Variants in C3orf49 observed in about 807,000 individuals in gnomAD.
C3orf49 encodes putative uncharacterized protein C3orf49.
C3orf49 carries 27 observed loss-of-function variants against 13.3 expected under a neutral mutation model. That is an observed-to-expected ratio of 2.02 (90% CI 1.49 to 2.79). The LOEUF is 2.79. Ranked by LOEUF, C3orf49 falls within the 30% of genes most tolerant of loss-of-function variation. The pLI is 0.00. For missense variants in C3orf49, 242 were observed against 134.2 expected (o/e 1.80, Z -3.97); for synonymous variants, 87 against 47.6 (o/e 1.83, Z -3.40).
At chr3:63,846,483 C>T (rs1701899535) in intron 6 of C3orf49, among the ~76,000 whole-genome samples, 2 of 152,154 alleles carry the variant, frequency 1.3e-5, no homozygotes, top group South Asian at 4.1e-4. Flanking sequence ...TCTTGGCTCA[C>T]CACAACCTTC....
chr3:63,819,115 TTTGA>T (rs912963274), upstream of C3orf49, among the ~76,000 whole-genome samples: 2 of 151,510 alleles, frequency 1.3e-5, no homozygotes, highest in East Asian at 4.3e-4. Flanking sequence ...GTTGTTGTTG[TTTGA>T]TTTTTTTTTT....
chr3:63,782,518 A>G, the C3orf49 span: 1 of 152,230 alleles, frequency 6.6e-6, no homozygotes, highest in African/African-American at 2.4e-5. Flanking sequence ...CAGAGTCAAC[A>G]CTTTAATAAC....
chr3:63,843,112 ATTTGTTTGTTTG>A (rs767250587), intron 5 of C3orf49, among the ~76,000 whole-genome samples: 1 of 149,314 alleles, frequency 6.7e-6, no homozygotes, highest in South Asian at 2.1e-4. Context: ...CCGTATGTAT[ATTTGTTTGTTTG>A]TTTGTTTGTT....
intron 5 of C3orf49, among the ~76,000 whole-genome samples, chr3:63,842,731 A>C (rs752269215): frequency 7.2e-5 from 11 of 152,134 alleles, no homozygotes; most frequent in Non-Finnish European, 1.2e-4. Context: ...AGGGAAAAAA[A>C]AACTACATTG....
chr3:63,801,213 G>A, the C3orf49 span, among the ~76,000 whole-genome samples: 19 of 152,044 alleles, frequency 1.2e-4, no homozygotes, highest in Non-Finnish European at 2.1e-4. Context: ...GCTTAGACAA[G>A]ACAAGTAATT....
chr3:63,829,244 A>G (rs1184668569), intron 3 of C3orf49, among the ~76,000 whole-genome samples: 1 of 152,310 alleles, frequency 6.6e-6, no homozygotes, highest in East Asian at 1.9e-4. Context: ...TCTAATGGAC[A>G]TGGTCTTGCT....
upstream of C3orf49, among the ~76,000 whole-genome samples, chr3:63,815,984 C>T (rs1222435075): frequency 1.3e-5 from 2 of 151,638 alleles, no homozygotes; most frequent in Non-Finnish European, 2.9e-5. Flanking sequence ...CGGGGTTTCA[C>T]CGTGTTGGCC....
intron 6 of C3orf49, among the ~76,000 whole-genome samples, chr3:63,846,494 G>A (rs754617277): frequency 9.2e-5 from 14 of 151,994 alleles, no homozygotes; most frequent in Non-Finnish European, 2.1e-4. Context: ...CACAACCTTC[G>A]TCTCCTGGGT....
intron 5 of C3orf49, among the ~76,000 whole-genome samples, chr3:63,840,007 G>C (rs1036788219): frequency 6.6e-6 from 1 of 152,070 alleles, no homozygotes; most frequent in African/African-American, 2.4e-5. Flanking sequence ...AAAAAAGAAA[G>C]TTATTGCATG....
intron 3 of C3orf49, among the ~76,000 whole-genome samples, chr3:63,827,982 T>C (rs981168292): frequency 1.1e-4 from 17 of 152,218 alleles, no homozygotes; most frequent in Non-Finnish European, 2.1e-4. Flanking sequence ...TTTCTCACTC[T>C]TCAAATGTTA....
At chr3:63,808,220 C>T in the C3orf49 span, among the ~76,000 whole-genome samples, 3 of 152,186 alleles carry the variant, frequency 2.0e-5, no homozygotes, top group Non-Finnish European at 4.4e-5. Context: ...ATAAGTGATA[C>T]AGATTATTGG....
chr3:63,797,837 T>C, the C3orf49 span, among the ~76,000 whole-genome samples: 1 of 152,212 alleles, frequency 6.6e-6, no homozygotes, highest in African/African-American at 2.4e-5. Flanking sequence ...GTAGCAATGG[T>C]GGTGAAGTAT....
At chr3:63,799,086 T>C in the C3orf49 span, among the ~76,000 whole-genome samples, 2 of 152,172 alleles carry the variant, frequency 1.3e-5, no homozygotes, top group Non-Finnish European at 2.9e-5. Flanking sequence ...TGTGTTATGA[T>C]ATCTGATTCC....
chr3:63,823,093 C>T (rs1299929971), intron 1 of C3orf49, among the ~76,000 whole-genome samples, 157 bp from the exon 2 acceptor site: 1 of 151,904 alleles, frequency 6.6e-6, no homozygotes, highest in Non-Finnish European at 1.5e-5. Context: ...GTTGCTTTGG[C>T]TTTATTTTTC....
At chr3:63,786,419 A>G in the C3orf49 span, among the ~76,000 whole-genome samples, 5 of 152,086 alleles carry the variant, frequency 3.3e-5, no homozygotes, top group Middle Eastern at 3.2e-3. Flanking sequence ...ACTTCCCCCA[A>G]TGCTAAAATT....
chr3:63,842,186 T>C (rs923458323), intron 5 of C3orf49, among the ~76,000 whole-genome samples: 5 of 152,090 alleles, frequency 3.3e-5, no homozygotes, highest in Admixed American at 6.6e-5. Flanking sequence ...AAAGAAGACA[T>C]ACAAATGGCC....
At chr3:63,808,918 G>T in the C3orf49 span, among the ~76,000 whole-genome samples, 8 of 152,000 alleles carry the variant, frequency 5.3e-5, no homozygotes, top group African/African-American at 1.9e-4. Context: ...AATTCCGTCG[G>T]TACCTGTGGT....
intron 5 of C3orf49, chr3:63,836,407 A>G (rs376672765): frequency 1.3e-6 from 2 of 1,570,536 alleles, no homozygotes; most frequent in Admixed American, 3.4e-5. Context: ...TTGAATGTGA[A>G]TTATCAAAAC....
chr3:63,797,669 G>A, the C3orf49 span, among the ~76,000 whole-genome samples: 37 of 152,232 alleles, frequency 2.4e-4, no homozygotes, highest in East Asian at 4.3e-3. Context: ...GCAGTCTTCC[G>A]TTTACCTGTC....
Sources: gnomAD v4.1 joint callset for allele counts (sites outside exome capture counted in the v4.1 genomes callset) on GRCh38, gnomAD v4.1.1 for gene constraint, MANE v1.5 for transcripts, NCBI Gene and HGNC (gene_info 2026-07-23, HGNC 2026-07-21) for gene names.